The following KIAA2012 variants were observed in gnomAD, a reference collection of about 807,000 sequenced individuals.
KIAA2012 encodes KIAA2012.
Under a neutral mutation model 150.6 loss-of-function variants are expected in KIAA2012, and 125 were observed. That is an observed-to-expected ratio of 0.83 (90% CI 0.72 to 0.96). The LOEUF (loss-of-function observed/expected upper bound fraction) is 0.96, where lower values mean the gene tolerates loss of function less well. Among genes scored for constraint, KIAA2012 ranks in the 40% least tolerant of loss-of-function variants. KIAA2012 has a pLI of 0.00. For missense variants in KIAA2012, 1,219 were observed against 1,354.9 expected, an observed-to-expected ratio of 0.90 and a Z score of 1.57; for synonymous variants, 462 against 504.7, an observed-to-expected ratio of 0.92 and a Z score of 1.13.
At chr2:202,158,231 C>CA (rs1240797946) in intron 14 of KIAA2012, among the ~76,000 whole-genome samples, 1 of 152,042 alleles carries the variant, frequency 6.6e-6, no homozygotes, top group Non-Finnish European at 1.5e-5. Flanking sequence ...CCTGACCTCG[C>CA]AATCCGCCTG....
chr2:202,191,617 T>C (rs1449747892), intron 19 of KIAA2012, among the ~76,000 whole-genome samples: 1 of 152,022 alleles, frequency 6.6e-6, no homozygotes, highest in African/African-American at 2.4e-5. Context: ...GAATACCATA[T>C]AGATGCATCA....
intron 9 of KIAA2012, among the ~76,000 whole-genome samples, chr2:202,107,940 CG>C (rs1690243584): frequency 1.3e-5 from 2 of 152,068 alleles, no homozygotes; most frequent in South Asian, 4.2e-4. Flanking sequence ...ATCCAGGAGA[CG>C]GAGGTTGCAG....
chr2:202,129,114 CAAAAAAATAAATAAAT>C (rs920385635), intron 12 of KIAA2012, among the ~76,000 whole-genome samples: 5 of 151,306 alleles, frequency 3.3e-5, no homozygotes, highest in African/African-American at 1.2e-4. Context: ...AACTCCATCT[CAAAAAAATAAATAAAT>C]AAAAAAATAA....
At chr2:202,183,468 T>C (rs370524075) in intron 15 of KIAA2012, among the ~76,000 whole-genome samples, 1 of 117,730 alleles carries the variant, frequency 8.5e-6, no homozygotes, top group Non-Finnish European at 1.7e-5. Context: ...TTTTGGGGGG[T>C]TTTTTAAATT....
intron 2 of KIAA2012, among the ~76,000 whole-genome samples, chr2:202,086,435 A>AT (rs1469053934): frequency 6.6e-6 from 1 of 152,246 alleles, no homozygotes; most frequent in Non-Finnish European, 1.5e-5. Flanking sequence ...TGCCTGGAAT[A>AT]TAAAAAGTAC....
At chr2:202,187,434 A>G (rs1267521277) in intron 17 of KIAA2012, among the ~76,000 whole-genome samples, 5 of 152,094 alleles carry the variant, frequency 3.3e-5, no homozygotes, top group Admixed American at 1.3e-4. Context: ...CCTCCTGAGT[A>G]GCTGGGATTA....
rs185464372 is a variant in KIAA2012 at position 202,156,802 on chromosome 2, A to G, written c.2046+1992A>G. Reference sequence around the variant, plus strand: ...CGGGAGGCTGAGGCAGGAGAATGGCATGAACCCGGGAGGTGGAGCTTGCAG... The same window carrying G: ...CGGGAGGCTGAGGCAGGAGAATGGCGTGAACCCGGGAGGTGGAGCTTGCAG... On this transcript the variant is annotated intron_variant, in intron 14 of 23. Transcript: ENST00000498697. Among the ~76,000 whole-genome samples, 207 of 152,170 alleles carry G rather than the reference A, an allele frequency of 1.4e-3. 2 individuals carry two copies. Among genetic ancestry groups the G allele is most frequent in the Non-Finnish European group, 1.8e-3 (123 of 67,990 alleles).
At chr2:202,168,846 C>T (rs543253555) in intron 15 of KIAA2012, among the ~76,000 whole-genome samples, 3 of 151,938 alleles carry the variant, frequency 2.0e-5, no homozygotes, top group East Asian at 3.9e-4. Flanking sequence ...GGGGTGGGGA[C>T]GAAAGGCAGG....
chr2:202,144,278 A>G (rs1395996812), intron 13 of KIAA2012, among the ~76,000 whole-genome samples: 13 of 152,184 alleles, frequency 8.5e-5, no homozygotes, highest in Non-Finnish European at 1.9e-4. Context: ...TTCTGTTTCA[A>G]CCTATACTAT....
chr2:202,122,221 A>G (rs1690669101), intron 11 of KIAA2012, among the ~76,000 whole-genome samples: 1 of 152,236 alleles, frequency 6.6e-6, no homozygotes, highest in Non-Finnish European at 1.5e-5. Flanking sequence ...GAGGGATGTC[A>G]TGCAACCCAA....
At chr2:202,204,171 G>T (rs533723668) in intron 23 of KIAA2012, among the ~76,000 whole-genome samples, 1 of 151,312 alleles carries the variant, frequency 6.6e-6, no homozygotes, top group Non-Finnish European at 1.5e-5. Context: ...TGACCTCCTG[G>T]GCTCAAACAA....
intron 12 of KIAA2012, among the ~76,000 whole-genome samples, chr2:202,132,703 T>C (rs572512192): frequency 1.6e-5 from 2 of 127,504 alleles, no homozygotes; most frequent in South Asian, 2.5e-4. Flanking sequence ...TATGTATATA[T>C]ATATGTATAT....
At chr2:202,183,373 T>C (rs1393150034) in intron 15 of KIAA2012, among the ~76,000 whole-genome samples, 2 of 150,072 alleles carry the variant, frequency 1.3e-5, no homozygotes, top group East Asian at 3.9e-4. Flanking sequence ...TGAGCCGGGA[T>C]TGTGCCACTG....
chr2:202,104,904 T>G lies in KIAA2012; in HGVS notation c.1325-857T>G, dbSNP rs1575013655. ...GGTTCGATCTGATTATTTTCCATGA[T>G]GACCCTGATAGGAAGGTGAGGAAAA... On this transcript the variant is annotated intron_variant, in intron 8 of 23. Transcript: ENST00000498697. This position sits in a 1 kb window ranked among gnomAD's most constrained non-coding sequence, Gnocchi z 4.3. 6.6e-6 allele frequency among the ~76,000 whole-genome samples: 1 copy of G among 152,208 alleles called. No homozygotes were observed. The highest frequency in any genetic ancestry group is 2.4e-5 in the African/African-American group (1 of 41,460).
chr2:202,113,398 C>T lies in KIAA2012; in HGVS notation c.1714C>T (p.Leu572=). ...GGGTCCAGATGGAGAAAAAGTCTGC[C>T]TGTCCCTCCCAGGGCATACCCAAAC... The part of the protein sequence containing the change: ...LLGPDGEKVC[L]SLPGHTQTEA... The change falls in exon 11 of 24, where the codon CTG becomes TTG. Residue 572 remains leucine, a synonymous_variant. Transcript: ENST00000498697. The T allele has an allele frequency of 6.4e-7, 1 of 1,550,654 alleles. No individual in the cohort carries two copies. Among genetic ancestry groups the T allele is most frequent in the Non-Finnish European group, 8.7e-7 (1 of 1,147,004 alleles).
intron 5 of KIAA2012, among the ~76,000 whole-genome samples, 184 bp from the exon 6 acceptor site, chr2:202,099,429 T>C (rs1047765788): frequency 3.9e-5 from 6 of 152,174 alleles, no homozygotes; most frequent in African/African-American, 1.4e-4. Flanking sequence ...TCATCAACAA[T>C]AAAATGTTTT....
chr2:202,124,845 A>G (rs1189932785), intron 11 of KIAA2012, among the ~76,000 whole-genome samples: 2 of 152,298 alleles, frequency 1.3e-5, no homozygotes, highest in East Asian at 3.9e-4. Context: ...TGAGGTGGGC[A>G]GATCACTTGA....
intron 17 of KIAA2012, among the ~76,000 whole-genome samples, chr2:202,187,348 A>G (rs1482624212): frequency 6.6e-6 from 1 of 152,016 alleles, no homozygotes; most frequent in Non-Finnish European, 1.5e-5. Flanking sequence ...TGTGTTGCCC[A>G]GGCTGGAGTG....
intron 14 of KIAA2012, among the ~76,000 whole-genome samples, chr2:202,155,090 A>C (rs931231424): frequency 6.6e-6 from 1 of 152,176 alleles, no homozygotes; most frequent in Non-Finnish European, 1.5e-5. Context: ...ACCTCATAAA[A>C]CAGTCAAATA....
Sources: gnomAD v4.1 joint callset for allele counts (sites outside exome capture counted in the v4.1 genomes callset) on GRCh38, gnomAD v4.1.1 for gene constraint, Gnocchi (gnomAD v3.1) non-coding constraint, MANE v1.5 for transcripts, NCBI Gene and HGNC (gene_info 2026-07-23, HGNC 2026-07-21) for gene names.